Variants in ATCAY observed in about 807,000 individuals in gnomAD.
The protein encoded by ATCAY is caytaxin.
ATCAY carries 22 observed loss-of-function variants against 47.7 expected under a neutral mutation model. That is an observed-to-expected ratio of 0.46 (90% CI 0.33 to 0.66). ATCAY has a LOEUF of 0.66. Ranked by LOEUF, ATCAY falls within the 30% of genes least tolerant of loss-of-function variation. The probability of loss-of-function intolerance (pLI) is 0.02; values close to 1 mark genes in which losing one functional copy is unlikely to be tolerated. For missense variants in ATCAY, 452 were observed against 515.0 expected (o/e 0.88, Z 1.18); for synonymous variants, 216 against 207.6 (o/e 1.04, Z -0.35).
chr19:3,900,284 C>T (rs1261773094), intron 2 of ATCAY, among the ~76,000 whole-genome samples: 1 of 151,530 alleles, frequency 6.6e-6, no homozygotes. Flanking sequence ...CTCCGCCTCC[C>T]AGGCTCAAGC....
At chr19:3,889,257 T>C (rs2038691747) in intron 2 of ATCAY, among the ~76,000 whole-genome samples, 1 of 151,982 alleles carries the variant, frequency 6.6e-6, no homozygotes, top group African/African-American at 2.4e-5. Context: ...CTACTAAAAA[T>C]ACAAAATTAG....
intron 2 of ATCAY, among the ~76,000 whole-genome samples, chr19:3,902,079 G>A (rs771663956): frequency 1.3e-5 from 2 of 152,288 alleles, no homozygotes; most frequent in Middle Eastern, 3.4e-3. Flanking sequence ...TTGGGAGGCT[G>A]AGGTGGGAAG....
intron 2 of ATCAY, among the ~76,000 whole-genome samples, chr19:3,887,215 C>T (rs1164577280): frequency 6.6e-6 from 1 of 151,836 alleles, no homozygotes; most frequent in African/African-American, 2.4e-5. Flanking sequence ...CCAGCACTTA[C>T]AGAGGCTCAG....
chr19:3,922,981 G>A (rs907171526), intron 12 of ATCAY, among the ~76,000 whole-genome samples: 16 of 152,054 alleles, frequency 1.1e-4, no homozygotes, highest in Non-Finnish European at 1.8e-4. Flanking sequence ...TCCTGACCTC[G>A]TGATCCACCC....
At chr19:3,908,450 T>G in intron 6 of ATCAY, 80 bp downstream of exon 6, 1 of 1,314,656 alleles carries the variant, frequency 7.6e-7, no homozygotes. Flanking sequence ...CTGCAAGGAT[T>G]GCATTGTGGC....
At chr19:3,920,888 T>C in intron 12 of ATCAY, 90 bp downstream of exon 12, 1 of 1,472,386 alleles carries the variant, frequency 6.8e-7, no homozygotes, top group Middle Eastern at 1.8e-4. Flanking sequence ...GGACAGAAAA[T>C]CAAACCAGCT....
At chr19:3,921,928 A>G (rs1452228032) in intron 12 of ATCAY, among the ~76,000 whole-genome samples, 1 of 152,024 alleles carries the variant, frequency 6.6e-6, no homozygotes, top group African/African-American at 2.4e-5. Context: ...AAAAAACTTA[A>G]CAAAAGGAAG....
At chr19:3,916,741 G>A (rs2038969387) in intron 9 of ATCAY, among the ~76,000 whole-genome samples, 1 of 151,692 alleles carries the variant, frequency 6.6e-6, no homozygotes, top group Non-Finnish European at 1.5e-5. Flanking sequence ...GCCTCCCAAA[G>A]TGCTGGGATT....
chr19:3,911,554 T>TATAA (rs541281074), intron 8 of ATCAY, among the ~76,000 whole-genome samples: 4 of 119,710 alleles, frequency 3.3e-5, no homozygotes, highest in African/African-American at 1.4e-4. Flanking sequence ...TATATGTATG[T>TATAA]ATAAATAAAT....
At chr19:3,893,993 T>G (rs2038742404) in intron 2 of ATCAY, among the ~76,000 whole-genome samples, 1 of 152,100 alleles carries the variant, frequency 6.6e-6, no homozygotes, top group Admixed American at 6.6e-5. Context: ...TGCAGTGCCT[T>G]CCATCTGGAG....
At chr19:3,884,171 C>A (rs2038626900) in intron 1 of ATCAY, among the ~76,000 whole-genome samples, 1 of 152,102 alleles carries the variant, frequency 6.6e-6, no homozygotes. Flanking sequence ...CTCGTGGTCC[C>A]AGATACTTGG....
chr19:3,914,817 G>A (rs1233591621), intron 9 of ATCAY, among the ~76,000 whole-genome samples: 4 of 118,056 alleles, frequency 3.4e-5, no homozygotes, highest in South Asian at 3.7e-4. Context: ...GTGAAACTCC[G>A]TCTCAAGAAA....
intron 9 of ATCAY, among the ~76,000 whole-genome samples, chr19:3,914,391 A>G (rs11085049): frequency 0.98 from 148,796 of 151,958 alleles, 72,861 homozygotes; most frequent in East Asian, 1. Context: ...ATCAGATCTC[A>G]TGAGACTTAC....
rs1458013556 is a variant in ATCAY at position 3,882,840 on chromosome 19, G to C, written c.-42+1832G>C. Reference sequence around the variant, plus strand: ...TTTTGTTTTTGCTTTTCGTAGAGATGGTGTCTTGCTATGTTGCCCAGGCTG... The same window carrying C: ...TTTTGTTTTTGCTTTTCGTAGAGATCGTGTCTTGCTATGTTGCCCAGGCTG... On this transcript the variant is annotated intron_variant, in intron 1 of 12. Coordinates refer to ENST00000450849, the MANE Select transcript of ATCAY (RefSeq NM_033064.5). Among the ~76,000 whole-genome samples the C allele has an allele frequency of 2.6e-5, 4 of 151,652 alleles. No homozygotes were observed. The East Asian group carries it at 7.8e-4, about 29-fold the overall frequency.
At chr19:3,914,273 A>T (rs1230409106) in intron 9 of ATCAY, among the ~76,000 whole-genome samples, 1 of 149,226 alleles carries the variant, frequency 6.7e-6, no homozygotes, top group East Asian at 2.0e-4. Flanking sequence ...TCACAATTCC[A>T]TGTGGCTGGC....
At chr19:3,904,566 C>T (rs933392846) in intron 3 of ATCAY, among the ~76,000 whole-genome samples, 8 of 152,246 alleles carry the variant, frequency 5.3e-5, no homozygotes, top group East Asian at 3.9e-4. Flanking sequence ...TGTGATCACA[C>T]GAGCTAATTC....
intron 2 of ATCAY, among the ~76,000 whole-genome samples, chr19:3,900,947 G>A (rs1282077618): frequency 1.4e-5 from 2 of 142,864 alleles, no homozygotes; most frequent in Non-Finnish European, 3.0e-5. Flanking sequence ...TGTGGCCCAG[G>A]CTGGAGTGCA....
rs534733681 is a variant in ATCAY, at chr19:3,902,889, C to T, written c.136+344C>T. ...AAATGCCCTGGAGGCACAAAGTCAG[C>T]ACAGCCAAGGGTGCACTGGGAGGCT... On this transcript the variant is annotated intron_variant, in intron 3 of 12. Coordinates refer to ENST00000450849, the MANE Select transcript of ATCAY (RefSeq NM_033064.5). 2.0e-5 allele frequency among the ~76,000 whole-genome samples: 3 copies of T among 152,296 alleles called. No individual in the cohort carries two copies. In the East Asian group the frequency reaches 5.8e-4, roughly 29 times the overall value.
In ATCAY at chr19:3,917,076, G is replaced by A. The variant is rs1599146795; in HGVS notation, c.966-666G>A. Among the ~76,000 whole-genome samples the A allele has an allele frequency of 2.0e-5, 3 of 152,136 alleles. No individual in the cohort carries two copies. In the South Asian group the frequency reaches 6.3e-4, roughly 32 times the overall value. ...CCCGCCTCGGCCTCCCAAAGTTCTG[G>A]GATTATAGGCGTGAGCCACCGTGCT... On this transcript the variant is annotated intron_variant, in intron 9 of 12. Coordinates refer to ENST00000450849, the MANE Select transcript of ATCAY (RefSeq NM_033064.5).
Sources: allele counts gnomAD v4.1 joint callset (sites outside exome capture counted in the v4.1 genomes callset), GRCh38; gene constraint gnomAD v4.1.1; transcripts MANE v1.5; gene names NCBI Gene and HGNC (gene_info 2026-07-23, HGNC 2026-07-21).